The following CARS1 variants were observed in gnomAD, a reference collection of about 807,000 sequenced individuals.
CARS1 encodes the protein cysteinyl-tRNA synthetase 1.
A neutral mutation model predicts 106.2 loss-of-function variants in CARS1; 48 were observed. The ratio of observed to expected loss-of-function variants is 0.45; its 90% CI spans 0.36 to 0.57. The LOEUF is 0.57. Among genes scored for constraint, CARS1 ranks in the 20% least tolerant of loss-of-function variants. The probability of loss-of-function intolerance (pLI) is 0.00; values close to 1 mark genes in which losing one functional copy is unlikely to be tolerated. For missense variants in CARS1, 968 were observed against 1,057.2 expected (o/e 0.92, Z 1.17); for synonymous variants, 409 against 403.4 (o/e 1.01, Z -0.17).
At chr11:3,051,364 G>A (rs1855680339) in intron 1 of CARS1, among the ~76,000 whole-genome samples, 2 of 152,302 alleles carry the variant, frequency 1.3e-5, no homozygotes, top group African/African-American at 4.8e-5. Context: ...CAGGCCCAGT[G>A]TCAGCACTGA....
At chr11:3,005,812 A>G (rs1849809799) in intron 19 of CARS1, among the ~76,000 whole-genome samples, 1 of 152,042 alleles carries the variant, frequency 6.6e-6, no homozygotes, top group East Asian at 1.9e-4. Context: ...GGGTTTCACC[A>G]TGTTGCCTAG....
chr11:3,024,633 A>G (rs2134173089), intron 10 of CARS1, among the ~76,000 whole-genome samples: 1 of 152,172 alleles, frequency 6.6e-6, no homozygotes, highest in Admixed American at 6.5e-5. Context: ...TTTTTTGTAG[A>G]AAGGGGGTCT....
In CARS1 at chr11:3,017,551, G is replaced by T; in HGVS notation, c.1728-256C>A. The T allele has an allele frequency of 1.8e-6, 1 of 559,280 alleles. No individual in the cohort carries two copies. Among genetic ancestry groups the T allele is most frequent in the Non-Finnish European group, 3.2e-6 (1 of 315,218 alleles). 34.6% of individuals were successfully genotyped at this position (559,280 alleles called of 1,614,324 possible). On this transcript the variant is annotated intron_variant, in intron 15 of 22. Coordinates refer to ENST00000380525, the MANE Select transcript of CARS1 (RefSeq NM_001014437.3). The surrounding 1 kb of genome is among the most constrained non-coding windows in gnomAD (Gnocchi z 4.9). ...CCAGCTACTCGGGAGGCTGAGGCAGGAGAATCGCTCGAACCCGGGAGGTGG... is the reference window on the plus strand; with the variant it reads ...CCAGCTACTCGGGAGGCTGAGGCAGTAGAATCGCTCGAACCCGGGAGGTGG...
chr11:3,015,200 C>T (rs1312103436), intron 17 of CARS1, among the ~76,000 whole-genome samples: 2 of 152,210 alleles, frequency 1.3e-5, no homozygotes, highest in East Asian at 3.9e-4. Context: ...ACCCACTAGA[C>T]AGGGGGCTCT....
Position 3,004,566 on chromosome 11 carries a change from C to T in CARS1, c.2217+800G>A, listed in dbSNP as rs1194556140. On this transcript the variant is annotated intron_variant, in intron 20 of 22. Coordinates refer to ENST00000380525, the MANE Select transcript of CARS1 (RefSeq NM_001014437.3). The surrounding 1 kb of genome is among the most constrained non-coding windows in gnomAD (Gnocchi z 5.2). ...CATGGCCCACCTCCCATGGTGTGCACTGGGGGCCCAGGTGCCTCTCATCCT... is the reference window on the plus strand; with the variant it reads ...CATGGCCCACCTCCCATGGTGTGCATTGGGGGCCCAGGTGCCTCTCATCCT... Among the ~76,000 whole-genome samples the T allele has an allele frequency of 6.6e-6, 1 of 152,224 alleles. No homozygotes were observed. The highest frequency in any genetic ancestry group is 2.4e-5 in the African/African-American group (1 of 41,468).
In CARS1 at chr11:3,012,223, T is replaced by G; in HGVS notation, c.2040A>C (p.Gly680=). 1 of 1,614,192 alleles carries G rather than the reference T, an allele frequency of 6.2e-7. No homozygotes were observed. Among genetic ancestry groups the G allele is most frequent in the Non-Finnish European group, 8.5e-7 (1 of 1,180,002 alleles). ...YLQVLSEFRE[G]VRKIAREQKV... ...TTTGCTCTCGGGCAATCTTCCGCAC[T>G]CCTTCTCGGAATTCTGATAACACCT... The change falls in exon 18 of 23, where the codon GGA becomes GGC. Residue 680 remains glycine, a synonymous_variant. Transcript: ENST00000380525.
Position 3,057,350 on chromosome 11 carries a change from C to T in CARS1, c.18G>A (p.Gly6=). The change falls in exon 1 of 23, where the codon GGG becomes GGA. Residue 6 remains glycine, a synonymous_variant. Transcript: ENST00000380525. The stretch of plus-strand genomic sequence containing the variant: ...CCCGGCCGCGCCGCTCACCCTGCTG[C>T]CCGGAGGAATCTGCCATGGCTGGGA... MADSS[G]QQAPDYRSIL... 2 of 1,610,504 alleles carry T rather than the reference C, an allele frequency of 1.2e-6. No homozygotes were observed. Among genetic ancestry groups the T allele is most frequent in the Non-Finnish European group, 1.7e-6 (2 of 1,178,838 alleles).
At position 3,037,955 on chromosome 11, in the gene CARS1, A is replaced by G; in HGVS notation, c.801+95T>C. On this transcript the variant is annotated intron_variant, in intron 7 of 22. Transcript: ENST00000380525. This position sits in a 1 kb window ranked among gnomAD's most constrained non-coding sequence, Gnocchi z 5.9. ...GAGACACAGAGTGTCTTCCACTAAG[A>G]CAATCTGTGGAATCAATCCGTGCAC... 7.8e-7 allele frequency: 1 copy of G among 1,282,970 alleles called. No homozygotes were observed. The allele number at this position is 1,282,970 out of a possible 1,614,324, so 79.5% of individuals were successfully genotyped here. A position where few individuals can be genotyped will look rare whatever the true frequency, so the allele number is the denominator to read the frequency against.
intron 1 of CARS1, among the ~76,000 whole-genome samples, chr11:3,054,182 G>C (rs957004262): frequency 2.0e-5 from 3 of 152,138 alleles, no homozygotes; most frequent in African/African-American, 7.2e-5. Context: ...TCCCCGTCCT[G>C]ATCACCAGCC....
At chr11:3,042,957 C>T (rs1854676794) in intron 2 of CARS1, among the ~76,000 whole-genome samples, 1 of 151,996 alleles carries the variant, frequency 6.6e-6, no homozygotes, top group Admixed American at 6.6e-5. Context: ...GTGGCTGGCT[C>T]CCAGCTCTGG....
chr11:3,049,290 C>T (rs1472845183), intron 1 of CARS1, among the ~76,000 whole-genome samples: 1 of 152,074 alleles, frequency 6.6e-6, no homozygotes, highest in Admixed American at 6.5e-5. Context: ...AATCATACTC[C>T]CTTTAAATCC....
At chr11:3,002,516 C>G in intron 21 of CARS1, 25 bp downstream of exon 21, 2 of 1,613,562 alleles carry the variant, frequency 1.2e-6, no homozygotes, top group Non-Finnish European at 1.7e-6. Flanking sequence ...CAGTAGAGCC[C>G]TCACCCCCAA....
In CARS1 at chr11:3,021,744, A is replaced by G. The variant is rs1191276299; in HGVS notation, c.1154-1412T>C. 6.6e-6 allele frequency among the ~76,000 whole-genome samples: 1 copy of G among 152,228 alleles called. No individual in the cohort carries two copies. Among genetic ancestry groups the G allele is most frequent in the Non-Finnish European group, 1.5e-5 (1 of 68,044 alleles). ...ACACAAAAACACAAAAAACCTCTGC[A>G]AGCAAAATCCAGATCTATCCACCAA... On this transcript the variant is annotated intron_variant, in intron 10 of 22. Coordinates refer to ENST00000380525, the MANE Select transcript of CARS1 (RefSeq NM_001014437.3). This position sits in a 1 kb window ranked among gnomAD's most constrained non-coding sequence, Gnocchi z 5.3.
At chr11:3,010,634 C>T (rs1371128924) in intron 18 of CARS1, among the ~76,000 whole-genome samples, 1 of 152,250 alleles carries the variant, frequency 6.6e-6, no homozygotes, top group Admixed American at 6.5e-5. Flanking sequence ...AGCCCAGCAG[C>T]CCGGCCAGCC....
At chr11:3,016,529 T>C (rs181970881) in intron 16 of CARS1, among the ~76,000 whole-genome samples, 49 of 152,268 alleles carry the variant, frequency 3.2e-4, no homozygotes, top group African/African-American at 1.1e-3. Flanking sequence ...GGCGTGGTTT[T>C]GCTTTTCAAA....
In CARS1 at chr11:3,053,995, C is replaced by G. The variant is rs1246434428; in HGVS notation, c.25+3348G>C. Among the ~76,000 whole-genome samples the G allele has an allele frequency of 6.6e-6, 1 of 152,166 alleles. No homozygotes were observed. The highest frequency in any genetic ancestry group is 1.5e-5 in the Non-Finnish European group (1 of 68,032). Reference sequence around the variant, plus strand: ...TACAGCTGCTCCTCTTGGGTCCTTCCCAGTGATCCACTCCCTGCCCAAGAA... The same window carrying G: ...TACAGCTGCTCCTCTTGGGTCCTTCGCAGTGATCCACTCCCTGCCCAAGAA... On this transcript the variant is annotated intron_variant, in intron 1 of 22. Coordinates refer to ENST00000380525, the MANE Select transcript of CARS1 (RefSeq NM_001014437.3). The surrounding 1 kb of genome is among the most constrained non-coding windows in gnomAD (Gnocchi z 6.6).
In CARS1 at chr11:3,048,049, C is replaced by T. The variant is rs1344563270; in HGVS notation, c.26-48G>A. On this transcript the variant is annotated intron_variant, in intron 1 of 22. Coordinates refer to ENST00000380525, the MANE Select transcript of CARS1 (RefSeq NM_001014437.3). This position sits in a 1 kb window ranked among gnomAD's most constrained non-coding sequence, Gnocchi z 5.1. The stretch of plus-strand genomic sequence containing the variant: ...GTGTCAGGCAGGCAGGCGGGCAGCC[C>T]AGAGGCCGCCAGAAAGACAGGGACT... The T allele has an allele frequency of 1.3e-6, 2 of 1,591,530 alleles. No homozygotes were observed. Among genetic ancestry groups the T allele is most frequent in the Non-Finnish European group, 1.7e-6 (2 of 1,166,426 alleles).
Position 3,022,062 on chromosome 11 carries a change from T to C in CARS1, c.1154-1730A>G, listed in dbSNP as rs1851620361. On this transcript the variant is annotated intron_variant, in intron 10 of 22. Coordinates refer to ENST00000380525, the MANE Select transcript of CARS1 (RefSeq NM_001014437.3). This position sits in a 1 kb window ranked among gnomAD's most constrained non-coding sequence, Gnocchi z 4.9. ...ACTGCAACTGCCCTCATAGGGTTAA[T>C]GAGAATTCCAAGGCAGGCTATAGGC... Among the ~76,000 whole-genome samples the C allele has an allele frequency of 6.6e-6, 1 of 152,150 alleles. No homozygotes were observed. Among genetic ancestry groups the C allele is most frequent in the Non-Finnish European group, 1.5e-5 (1 of 68,026 alleles).
rs869291693 is a variant in CARS1, at chr11:3,034,176, GTTT to G, written c.801+3871_801+3873del. ...GAATTCGTGTCTTAGTCTGTTTTCT[GTTT>G]TTTTGTTTGTTTGTTCTTTTTTTTG... On this transcript the variant is annotated intron_variant, in intron 7 of 22. Coordinates refer to ENST00000380525, the MANE Select transcript of CARS1 (RefSeq NM_001014437.3). The surrounding 1 kb of genome is among the most constrained non-coding windows in gnomAD (Gnocchi z 6.3). 7.7e-6 allele frequency among the ~76,000 whole-genome samples: 1 copy of G among 130,180 alleles called. No individual in the cohort carries two copies. The highest frequency in any genetic ancestry group is 2.5e-5 in the African/African-American group (1 of 40,706). 85.4% of individuals were successfully genotyped at this position (130,180 alleles called of 152,430 possible). A position where few individuals can be genotyped will look rare whatever the true frequency, so the allele number is the denominator to read the frequency against.
Sources: gnomAD v4.1 joint callset for allele counts (sites outside exome capture counted in the v4.1 genomes callset) on GRCh38, gnomAD v4.1.1 for gene constraint, Gnocchi (gnomAD v3.1) non-coding constraint, MANE v1.5 for transcripts, NCBI Gene and HGNC (gene_info 2026-07-23, HGNC 2026-07-21) for gene names.